Variants in VWA5B2 observed in about 807,000 individuals in gnomAD.
The protein encoded by VWA5B2 is von Willebrand factor A domain-containing protein 5B2.
In VWA5B2, 93 loss-of-function variants were observed where a neutral mutation model predicts 118.5. The ratio of observed to expected loss-of-function variants is 0.79; its 90% CI spans 0.66 to 0.93. The LOEUF (loss-of-function observed/expected upper bound fraction) is 0.93. Ranked by LOEUF, VWA5B2 falls within the 40% of genes least tolerant of loss-of-function variation. The probability of loss-of-function intolerance (pLI) is 0.00; values close to 1 mark genes in which losing one functional copy is unlikely to be tolerated. For missense variants in VWA5B2, 1,546 were observed against 1,672.8 expected, an observed-to-expected ratio of 0.92 and a Z score of 1.32; for synonymous variants, 708 against 716.3, an observed-to-expected ratio of 0.99 and a Z score of 0.19.
Position 184,230,897 on chromosome 3 carries a change from C to A in VWA5B2, c.290C>A (p.Thr97Lys). 1.6e-6 allele frequency: 2 copies of A among 1,221,090 alleles called. No homozygotes were observed. Among genetic ancestry groups the A allele is most frequent in the Non-Finnish European group, 2.0e-6 (2 of 981,504 alleles). The allele number at this position is 1,221,090 out of a possible 1,614,324, so 75.6% of individuals were successfully genotyped here. The change falls in exon 3 of 20, where the codon ACG (threonine) becomes AAG (lysine). Residue 97 changes from threonine (T) to lysine (K), a missense_variant. Around this residue, in one of 3 missense-constraint regions of VWA5B2, gnomAD observed 775 missense variants for 882.3 expected, o/e 0.88. Transcript: ENST00000691901. ...CTGGGCCCGGGGCTGGGGACCCCGA[C>A]GCCCCGCCGCTGCGCGCAGGGTGAG... Reference protein sequence around the residue: ...RALGPGLGTPTPRRCAQGHLV... With the variant: ...RALGPGLGTPKPRRCAQGHLV...
In VWA5B2 at chr3:184,230,532, C is replaced by A; in HGVS notation, c.4C>A (p.Pro2Thr). The change falls in exon 2 of 20, where the codon CCC becomes ACC. Residue 2 changes from proline to threonine, a missense_variant. Physicochemically the swap from Pro to Thr is conservative, Grantham distance 38. This residue lies in a region of VWA5B2 where 775 missense variants were observed against 882.3 expected (regional missense o/e 0.88). Transcript: ENST00000691901. The part of the protein sequence containing the change: M[P>T]GLYCPSSWTP... ...GCAGGGCCGGCCTCCCGGCGCCATG[C>A]CCGGCCTGTACTGCCCCTCCAGCTG... The A allele has an allele frequency of 2.0e-6, 3 of 1,472,260 alleles. No individual in the cohort carries two copies. The highest frequency in any genetic ancestry group is 2.7e-6 in the Non-Finnish European group (3 of 1,120,120). 91.2% of individuals were successfully genotyped at this position (1,472,260 alleles called of 1,614,324 possible).
Position 184,238,401 on chromosome 3 carries a change from C to T in VWA5B2, c.1818C>T (p.Thr606=). ...GCCCTGGCACTGAGCCCACTGGCAC[C>T]TCAGAGCCACTGGGAACAGGCACTG... ...AASPGTEPTG[T]SEPLGTGTVS... The change falls in exon 13 of 20, where the codon ACC becomes ACT. Residue 606 remains threonine (T), a synonymous_variant. Coordinates refer to ENST00000691901, the MANE Select transcript of VWA5B2 (RefSeq NM_001390846.1). The surrounding 1 kb of genome is among the most constrained non-coding windows in gnomAD (Gnocchi z 5.0). 1 of 1,550,872 alleles carries T rather than the reference C, an allele frequency of 6.4e-7. No individual in the cohort carries two copies. The highest frequency in any genetic ancestry group is 8.7e-7 in the Non-Finnish European group (1 of 1,146,870).
In VWA5B2 at chr3:184,241,157, G is replaced by GC; in HGVS notation, c.2963-25dup. ...GTAGGGGCACTTGGGCTTAGAGACCGCCCCCTGGCACTGATGATCCCCACT... is the reference window on the plus strand; with the variant it reads ...GTAGGGGCACTTGGGCTTAGAGACCGCCCCCCTGGCACTGATGATCCCCACT... On this transcript the variant is annotated intron_variant, in intron 18 of 19. Transcript: ENST00000691901. The surrounding 1 kb of genome is among the most constrained non-coding windows in gnomAD (Gnocchi z 5.1). 6.4e-7 allele frequency: 1 copy of GC among 1,551,210 alleles called. No individual in the cohort carries two copies. Among genetic ancestry groups the GC allele is most frequent in the Non-Finnish European group, 8.7e-7 (1 of 1,146,748 alleles).
At position 184,241,920 on chromosome 3, in the gene VWA5B2, C is replaced by A; in HGVS notation, c.3611C>A (p.Pro1204His). The change falls in exon 20 of 20, where the codon CCT becomes CAT. Residue 1204 changes from proline (P) to histidine (H), a missense_variant. By Grantham distance (77) the Pro-to-His change is moderately conservative (BLOSUM62 -2). Transcript: ENST00000691901. This position sits in a 1 kb window ranked among gnomAD's most constrained non-coding sequence, Gnocchi z 5.1. ...ADCWLRAQHL[P>H]DGLDLAALKA... ...TGCTGGCTGCGGGCCCAGCACTTGC[C>A]TGACGGCCTTGACCTGGCCGCCCTC... The A allele has an allele frequency of 6.5e-7, 1 of 1,547,570 alleles. No homozygotes were observed. The highest frequency in any genetic ancestry group is 1.2e-5 in the South Asian group (1 of 83,870).
At position 184,241,848 on chromosome 3, in the gene VWA5B2, G is replaced by A; in HGVS notation, c.3539G>A (p.Cys1180Tyr). Residue 1180 changes from cysteine (C) to tyrosine (Y), a missense_variant, in exon 20 of 20, where the codon TGC (cysteine) becomes TAC (tyrosine). Cys to Tyr is a radical substitution (Grantham distance 194, BLOSUM62 -2). This residue lies in a region of VWA5B2 where 763 missense variants were observed against 766.6 expected (regional missense o/e 1.00). Transcript: ENST00000691901. This position sits in a 1 kb window ranked among gnomAD's most constrained non-coding sequence, Gnocchi z 5.1. ...AVALAWLEHR[C>Y]AAAFDEWELT... ...GCACTCGCCTGGCTGGAGCACCGAT[G>A]CGCCGCTGCCTTCGACGAGTGGGAA... 1 of 1,539,194 alleles carries A rather than the reference G, an allele frequency of 6.5e-7. No individual in the cohort carries two copies. Among genetic ancestry groups the A allele is most frequent in the Non-Finnish European group, 8.7e-7 (1 of 1,143,480 alleles).
chr3:184,241,470 C>T lies in VWA5B2; in HGVS notation c.3181-20C>T, dbSNP rs1331136969. ...GGCGCTGTTTCAGCTCGCTTCTCCC[C>T]CCACCTCCTCTCTCCTCAGGTGCGG... is the stretch of plus-strand genomic sequence containing the variant. On this transcript the variant is annotated intron_variant, in intron 19 of 19. Coordinates refer to ENST00000691901, the MANE Select transcript of VWA5B2 (RefSeq NM_001390846.1). This position sits in a 1 kb window ranked among gnomAD's most constrained non-coding sequence, Gnocchi z 5.1. 7.7e-6 allele frequency: 12 copies of T among 1,552,030 alleles called. No individual in the cohort carries two copies. The highest frequency in any genetic ancestry group is 1.0e-5 in the Non-Finnish European group (12 of 1,146,194).
In VWA5B2 at chr3:184,239,955, C is replaced by T; in HGVS notation, c.2659C>T (p.His887Tyr). ...VREAAWDQALHRLTAASVVRD... is the reference protein window; with the variant it reads ...VREAAWDQALYRLTAASVVRD... ...AGAAGCTGCTTGGGACCAAGCACTC[C>T]ATCGGCTGACAGCAGCCTCTGTGGT... is the stretch of plus-strand genomic sequence containing the variant. The change falls in exon 16 of 20, where the codon CAT (histidine) becomes TAT (tyrosine). Residue 887 changes from histidine (H) to tyrosine (Y), a missense_variant. This residue lies in a region of VWA5B2 where 763 missense variants were observed against 766.6 expected (regional missense o/e 1.00). Transcript: ENST00000691901. The surrounding 1 kb of genome is among the most constrained non-coding windows in gnomAD (Gnocchi z 5.1). 1.3e-6 allele frequency: 2 copies of T among 1,551,092 alleles called. No homozygotes were observed. The highest frequency in any genetic ancestry group is 1.7e-6 in the Non-Finnish European group (2 of 1,146,968).
chr3:184,230,618 C>T lies in VWA5B2; in HGVS notation c.90C>T (p.Ser30=), dbSNP rs1717282206. 7.0e-7 allele frequency: 1 copy of T among 1,426,742 alleles called. No individual in the cohort carries two copies. The highest frequency in any genetic ancestry group is 9.1e-7 in the Non-Finnish European group (1 of 1,095,764). The allele number at this position is 1,426,742 out of a possible 1,614,324, so 88.4% of individuals were successfully genotyped here. ...VRACANGPCL[S]VRARLTYRNP... is the part of the protein sequence containing the mutation. ...CCTGCGCCAACGGCCCCTGCCTCAG[C>T]GTGCGGGCCCGGCTCACCTACCGCA... The change falls in exon 2 of 20, where the codon AGC becomes AGT. Residue 30 remains serine (S), a synonymous_variant. Transcript: ENST00000691901.
intron 8 of VWA5B2, 77 bp downstream of exon 8, chr3:184,235,385 T>G: frequency 6.8e-7 from 1 of 1,473,198 alleles, no homozygotes; most frequent in South Asian, 1.3e-5. Flanking sequence ...GGGCAGCCTC[T>G]TGAAGCCAGG....
Position 184,236,234 on chromosome 3 carries a change from T to C in VWA5B2, c.1184T>C (p.Leu395Pro). 1 of 1,551,742 alleles carries C rather than the reference T, an allele frequency of 6.4e-7. No homozygotes were observed. Residue 395 changes from leucine to proline, a missense_variant, in exon 9 of 20, where the codon CTC becomes CCC. Around this residue, in one of 3 missense-constraint regions of VWA5B2, gnomAD observed 775 missense variants for 882.3 expected, o/e 0.88. Coordinates refer to ENST00000691901, the MANE Select transcript of VWA5B2 (RefSeq NM_001390846.1). ...LAVFGTLVQP[L>P]FPESRPCSDD... Reference sequence around the variant, plus strand: ...GTGTTTGGGACGTTGGTGCAGCCACTCTTCCCAGAGAGCCGGCCTTGCAGT... The same window carrying C: ...GTGTTTGGGACGTTGGTGCAGCCACCCTTCCCAGAGAGCCGGCCTTGCAGT...
At position 184,239,438 on chromosome 3, in the gene VWA5B2, G is replaced by A. The variant is rs376378957; in HGVS notation, c.2247G>A (p.Ala749=). 6.0e-5 allele frequency: 93 copies of A among 1,549,670 alleles called. No individual in the cohort carries two copies. The highest frequency in any genetic ancestry group is 1.1e-4 in the African/African-American group (8 of 73,046). ...STEVLGRQHR[A]ALAGRSLSSP... ...AGGTGCTGGGCCGTCAGCACAGAGC[G>A]GCTCTGGCTGGCCGAAGCCTCTCAT... Residue 749 remains alanine, a synonymous_variant, in exon 15 of 20, where the codon GCG becomes GCA. Coordinates refer to ENST00000691901, the MANE Select transcript of VWA5B2 (RefSeq NM_001390846.1). This position sits in a 1 kb window ranked among gnomAD's most constrained non-coding sequence, Gnocchi z 5.1.
In VWA5B2 at chr3:184,237,459, G is replaced by T. The variant is rs1456769164; in HGVS notation, c.1719+48G>T. ...TAGGGGGGCTAGGGTGAGGTAGGGG[G>T]GCCTGGGATGGCTGAAGTCCCCGCA... On this transcript the variant is annotated intron_variant, in intron 12 of 19. Coordinates refer to ENST00000691901, the MANE Select transcript of VWA5B2 (RefSeq NM_001390846.1). This position sits in a 1 kb window ranked among gnomAD's most constrained non-coding sequence, Gnocchi z 5.6. 2.0e-6 allele frequency: 3 copies of T among 1,505,206 alleles called. No homozygotes were observed. Among genetic ancestry groups the T allele is most frequent in the South Asian group, 1.3e-5 (1 of 79,870 alleles). The allele number at this position is 1,505,206 out of a possible 1,614,324, so 93.2% of individuals were successfully genotyped here.
Position 184,237,115 on chromosome 3 carries a change from T to TC in VWA5B2, c.1534-110dup, listed in dbSNP as rs1179838886. 4 of 1,247,014 alleles carry TC rather than the reference T, an allele frequency of 3.2e-6. No homozygotes were observed. The African/African-American group carries it at 6.0e-5, about 19-fold the overall frequency. The allele number at this position is 1,247,014 out of a possible 1,614,324, so 77.2% of individuals were successfully genotyped here. A position where few individuals can be genotyped will look rare whatever the true frequency, so the allele number is the denominator to read the frequency against. ...GACCCCAGCCTGGCCCTGTGCCCCA[T>TC]CAGCTTAGGGGCTGGGCAGATGGCA... On this transcript the variant is annotated intron_variant, in intron 11 of 19. Coordinates refer to ENST00000691901, the MANE Select transcript of VWA5B2 (RefSeq NM_001390846.1). This position sits in a 1 kb window ranked among gnomAD's most constrained non-coding sequence, Gnocchi z 5.6.
rs1391531445 is a variant in VWA5B2 at position 184,239,033 on chromosome 3, G to A, written c.2202+160G>A. The stretch of plus-strand genomic sequence containing the variant: ...ATGTAACAACCAGTGATGAGCACAA[G>A]GACATGTATTAAGGGGGCTTAAAGT... On this transcript the variant is annotated intron_variant, in intron 14 of 19. Coordinates refer to ENST00000691901, the MANE Select transcript of VWA5B2 (RefSeq NM_001390846.1). This position sits in a 1 kb window ranked among gnomAD's most constrained non-coding sequence, Gnocchi z 5.1. Among the ~76,000 whole-genome samples the A allele has an allele frequency of 1.3e-5, 2 of 152,260 alleles. No individual in the cohort carries two copies. The highest frequency in any genetic ancestry group is 3.8e-4 in the East Asian group (2 of 5,206).
Position 184,236,211 on chromosome 3 carries a change from G to A in VWA5B2, c.1161G>A (p.Val387=), listed in dbSNP as rs1239129046. The change falls in exon 9 of 20, where the codon GTG becomes GTA. Residue 387 remains valine (V), a synonymous_variant. Coordinates refer to ENST00000691901, the MANE Select transcript of VWA5B2 (RefSeq NM_001390846.1). ...CCCAGACGCTTATCAACCTGGCCGT[G>A]TTTGGGACGTTGGTGCAGCCACTCT... ...LPPQTLINLA[V]FGTLVQPLFP... The A allele has an allele frequency of 6.4e-7, 1 of 1,551,782 alleles. No individual in the cohort carries two copies. Among genetic ancestry groups the A allele is most frequent in the African/African-American group, 1.4e-5 (1 of 73,192 alleles).
chr3:184,233,237 A>T lies in VWA5B2; in HGVS notation c.370A>T (p.Ile124Phe). 2 of 1,550,656 alleles carry T rather than the reference A, an allele frequency of 1.3e-6. No homozygotes were observed. Among genetic ancestry groups the T allele is most frequent in the Non-Finnish European group, 1.7e-6 (2 of 1,146,768 alleles). Residue 124 changes from isoleucine to phenylalanine, a missense_variant, in exon 4 of 20, where the codon ATC becomes TTC. This residue lies in a region of VWA5B2 where 775 missense variants were observed against 882.3 expected (regional missense o/e 0.88). Transcript: ENST00000691901. This position sits in a 1 kb window ranked among gnomAD's most constrained non-coding sequence, Gnocchi z 5.2. The stretch of plus-strand genomic sequence containing the variant: ...CACGTTGGTGCTGCCCACAGGCATT[A>T]TCGCCGCGGCTGGCACCATGACGGT... Reference protein sequence around the residue: ...RSTLVLPTGIIAAAGTMTVTL... With the variant: ...RSTLVLPTGIFAAAGTMTVTL...
rs1315714656 is a variant in VWA5B2 at position 184,236,268 on chromosome 3, T to C, written c.1212+6T>C. On this transcript the variant is annotated splice_donor_region_variant and intron_variant, in intron 9 of 19. Coordinates refer to ENST00000691901, the MANE Select transcript of VWA5B2 (RefSeq NM_001390846.1). The stretch of plus-strand genomic sequence containing the variant: ...AGAGCCGGCCTTGCAGTGATGTGAG[T>C]GTGGTCCAGGGATCTGGGGGCCTTA... 1 of 1,551,704 alleles carries C rather than the reference T, an allele frequency of 6.4e-7. No homozygotes were observed. The highest frequency in any genetic ancestry group is 2.4e-5 in the East Asian group (1 of 40,924).
rs1718666398 is a variant in VWA5B2, at chr3:184,241,571, T to A, written c.3262T>A (p.Cys1088Ser). Residue 1088 changes from cysteine to serine, a missense_variant, in exon 20 of 20, where the codon TGC becomes AGC. Around this residue, in one of 3 missense-constraint regions of VWA5B2, gnomAD observed 763 missense variants for 766.6 expected, o/e 1.00. Coordinates refer to ENST00000691901, the MANE Select transcript of VWA5B2 (RefSeq NM_001390846.1). This position sits in a 1 kb window ranked among gnomAD's most constrained non-coding sequence, Gnocchi z 5.1. ...AAVRISQERL[C>S]RASPFAVHRA... ...TGTGCGCATCTCGCAGGAGCGCCTC[T>A]GCCGTGCCTCGCCCTTTGCCGTGCA... The A allele has an allele frequency of 1.3e-6, 2 of 1,548,392 alleles. No homozygotes were observed. Among genetic ancestry groups the A allele is most frequent in the Non-Finnish European group, 1.7e-6 (2 of 1,146,732 alleles).
chr3:184,241,295 C>G lies in VWA5B2; in HGVS notation c.3071C>G (p.Pro1024Arg). ...CCCACGGAAGGTCCTCGCCGCCCAC[C>G]TCCCCGTCCTCCCTGTCGGCTCAGC... is the stretch of plus-strand genomic sequence containing the variant. ...ATPTEGPRRP[P>R]PRPPCRLSMG... The change falls in exon 19 of 20, where the codon CCT becomes CGT. Residue 1024 changes from proline (P) to arginine (R), a missense_variant. Around this residue, in one of 3 missense-constraint regions of VWA5B2, gnomAD observed 763 missense variants for 766.6 expected, o/e 1.00. Transcript: ENST00000691901. The surrounding 1 kb of genome is among the most constrained non-coding windows in gnomAD (Gnocchi z 5.1). 6.4e-7 allele frequency: 1 copy of G among 1,551,282 alleles called. No homozygotes were observed. Among genetic ancestry groups the G allele is most frequent in the Non-Finnish European group, 8.7e-7 (1 of 1,146,996 alleles).
Sources: gnomAD v4.1 joint callset for allele counts (sites outside exome capture counted in the v4.1 genomes callset) on GRCh38, gnomAD v4.1.1 for gene constraint, gnomAD v4.1.1 regional missense constraint, Gnocchi (gnomAD v3.1) non-coding constraint, MANE v1.5 for transcripts, NCBI Gene and HGNC (gene_info 2026-07-23, HGNC 2026-07-21) for gene names.